Variants in ATXN3 observed in about 807,000 individuals in gnomAD.
ATXN3 encodes ataxin 3.
ATXN3 carries 28 observed loss-of-function variants against 58.2 expected under a neutral mutation model. That is an observed-to-expected ratio of 0.48 (90% CI 0.36 to 0.66). The LOEUF is 0.66. ATXN3 is among the 30% of genes least tolerant of loss of function. The probability of loss-of-function intolerance (pLI) is 0.00; values close to 1 mark genes in which losing one functional copy is unlikely to be tolerated. For missense variants in ATXN3, 321 were observed against 422.1 expected (o/e 0.76, Z 2.10); for synonymous variants, 113 against 138.5 (o/e 0.82, Z 1.29).
chr14:92,105,267 T>C (rs2067998750), intron 1 of ATXN3, among the ~76,000 whole-genome samples: 1 of 151,992 alleles, frequency 6.6e-6, no homozygotes, highest in Admixed American at 6.6e-5. Flanking sequence ...CCCAAAAACA[T>C]TACCTGGCCC....
intron 10 of ATXN3, among the ~76,000 whole-genome samples, chr14:92,068,027 T>C (rs1177052640): frequency 2.0e-5 from 3 of 152,174 alleles, no homozygotes; most frequent in African/African-American, 4.8e-5. Context: ...GGAGGTGTCC[T>C]TGTTACTGCT....
intron 3 of ATXN3, 31 bp downstream of exon 3, chr14:92,096,062 C>T: frequency 7.0e-7 from 1 of 1,423,812 alleles, no homozygotes; most frequent in Non-Finnish European, 9.7e-7. Context: ...GGGATGTAAG[C>T]AACACATAGT....
intron 1 of ATXN3, among the ~76,000 whole-genome samples, chr14:92,097,314 G>A (rs568117040): frequency 1.3e-5 from 2 of 150,468 alleles, no homozygotes; most frequent in South Asian, 2.1e-4. Context: ...CACAACCTCC[G>A]CCTCCCGGGT....
chr14:92,069,083 C>CTTTTTTTTT (rs71301949), intron 10 of ATXN3, among the ~76,000 whole-genome samples: 8 of 142,524 alleles, frequency 5.6e-5, no homozygotes, highest in East Asian at 2.1e-4. Context: ...ATGCTATAAT[C>CTTTTTTTTT]TTTTTTTTTT....
At chr14:92,071,231 G>C (rs1332299881) in intron 9 of ATXN3, 178 bp from the exon 10 acceptor site, 2 of 1,002,864 alleles carry the variant, frequency 2.0e-6, no homozygotes, top group Non-Finnish European at 3.0e-6. Context: ...TGGAAGTGCT[G>C]ATCTTAGGAA....
chr14:92,077,971 C>A (rs940683443), intron 9 of ATXN3, among the ~76,000 whole-genome samples: 3 of 148,648 alleles, frequency 2.0e-5, no homozygotes, highest in African/African-American at 7.5e-5. Flanking sequence ...TTCTATATTT[C>A]TTTTCTCTTT....
intron 6 of ATXN3, among the ~76,000 whole-genome samples, chr14:92,086,687 C>A (rs1265204389): frequency 1.3e-5 from 2 of 151,628 alleles, no homozygotes; most frequent in African/African-American, 4.9e-5. Context: ...AAGGAGAAGG[C>A]ACACTAGAGA....
chr14:92,080,390 T>C (rs1344138057), intron 9 of ATXN3, among the ~76,000 whole-genome samples: 1 of 152,202 alleles, frequency 6.6e-6, no homozygotes, highest in Non-Finnish European at 1.5e-5. Context: ...GGCATTCTTC[T>C]TGTCTTGTCC....
chr14:92,056,492 G>A (rs1314207774), downstream of ATXN3, among the ~76,000 whole-genome samples: 1 of 152,134 alleles, frequency 6.6e-6, no homozygotes, highest in Non-Finnish European at 1.5e-5. Flanking sequence ...GACATGCTAA[G>A]TGAAATACAC....
At chr14:92,072,021 G>A (rs1012453319) in intron 9 of ATXN3, among the ~76,000 whole-genome samples, 1 of 152,122 alleles carries the variant, frequency 6.6e-6, no homozygotes, top group African/African-American at 2.4e-5. Context: ...CTGTTACATA[G>A]TAAGCATTCA....
At position 92,061,848 on chromosome 14, in the gene ATXN3, C is replaced by T. The variant is rs56196346; in HGVS notation, c.*2472G>A. ...GTCAATTAAATTTAAGCCAACCCCACCAAGATGACAGTTCACTAGTGCTTC... is the reference window on the plus strand; with the variant it reads ...GTCAATTAAATTTAAGCCAACCCCATCAAGATGACAGTTCACTAGTGCTTC... On this transcript the variant is annotated 3_prime_UTR_variant, in exon 11 of 11. Coordinates refer to ENST00000644486, the MANE Select transcript of ATXN3 (RefSeq NM_004993.6). 6.6e-6 allele frequency: 1 copy of T among 152,210 alleles called. No homozygotes were observed. The highest frequency in any genetic ancestry group is 6.5e-5 in the Admixed American group (1 of 15,276). 9.4% of individuals were successfully genotyped at this position (152,210 alleles called of 1,614,324 possible). A position where few individuals can be genotyped will look rare whatever the true frequency, so the allele number is the denominator to read the frequency against.
At chr14:92,094,030 G>A (rs1420620404) in intron 3 of ATXN3, among the ~76,000 whole-genome samples, 199 bp from the exon 4 acceptor site, 3 of 146,914 alleles carry the variant, frequency 2.0e-5, no homozygotes, top group Non-Finnish European at 3.0e-5. Context: ...TGCAACCTCC[G>A]CCTCCCAGGT....
intron 2 of ATXN3, 168 bp downstream of exon 2, chr14:92,096,506 C>T (rs964777183): frequency 2.0e-5 from 16 of 786,272 alleles, no homozygotes; most frequent in Non-Finnish European, 3.2e-5. Context: ...TGCCTGTAAT[C>T]CCAGCTACTT....
intron 1 of ATXN3, among the ~76,000 whole-genome samples, chr14:92,099,577 A>C (rs1320896835): frequency 6.6e-6 from 1 of 152,238 alleles, no homozygotes; most frequent in Admixed American, 6.5e-5. Context: ...TCCTTTTGAA[A>C]AATAGCCAAG....
chr14:92,057,243 G>A (rs192205866), downstream of ATXN3, among the ~76,000 whole-genome samples: 5 of 152,182 alleles, frequency 3.3e-5, no homozygotes, highest in East Asian at 1.9e-4. Flanking sequence ...TGGTGAAACC[G>A]CATCTCTACT....
rs1205524486 is a variant in ATXN3 at position 92,060,479 on chromosome 14, G to C, written c.*3841C>G. On this transcript the variant is annotated 3_prime_UTR_variant, in exon 11 of 11. Transcript: ENST00000644486. ...TCACCATGTTGCCCAGACTGGTCTT[G>C]AACTCCTGGCCTGAAGTGATTCGCC... 6.7e-6 allele frequency: 1 copy of C among 149,050 alleles called. No homozygotes were observed. Among genetic ancestry groups the C allele is most frequent in the Admixed American group, 6.7e-5 (1 of 14,932 alleles). The allele number at this position is 149,050 out of a possible 1,614,324, so 9.2% of individuals were successfully genotyped here.
At chr14:92,085,411 A>G (rs995447353) in intron 6 of ATXN3, among the ~76,000 whole-genome samples, 3 of 151,474 alleles carry the variant, frequency 2.0e-5, no homozygotes, top group African/African-American at 7.3e-5. Flanking sequence ...TGGTCTCATC[A>G]ACTCCTGACC....
chr14:92,052,730 T>G (rs941449659), upstream of ATXN3, among the ~76,000 whole-genome samples: 2 of 152,152 alleles, frequency 1.3e-5, no homozygotes, highest in Non-Finnish European at 2.9e-5. Flanking sequence ...GCCCATACTT[T>G]CCAGGTGCCC....
chr14:92,048,956 T>C (rs1159894070), intron 1 of ATXN3, among the ~76,000 whole-genome samples: 1 of 152,092 alleles, frequency 6.6e-6, no homozygotes, highest in African/African-American at 2.4e-5. Context: ...GACCAGTGTG[T>C]AAAAGAATGC....
Sources: allele counts gnomAD v4.1 joint callset (sites outside exome capture counted in the v4.1 genomes callset), GRCh38; gene constraint gnomAD v4.1.1; transcripts MANE v1.5; gene names NCBI Gene and HGNC (gene_info 2026-07-23, HGNC 2026-07-21).